Variants in SLC26A11 observed in about 807,000 individuals in gnomAD.
SLC26A11 encodes the protein sodium-independent sulfate anion transporter.
SLC26A11 carries 58 observed loss-of-function variants against 62.2 expected under a neutral mutation model. That is an observed-to-expected ratio of 0.93 (90% CI 0.76 to 1.16). The LOEUF is 1.16. Among genes scored for constraint, SLC26A11 ranks in the 50% most tolerant of loss-of-function variants. The probability of loss-of-function intolerance (pLI) is 0.00; values close to 1 mark genes in which losing one functional copy is unlikely to be tolerated. For synonymous variants in SLC26A11, 411 were observed against 368.9 expected (o/e 1.11, Z -1.31); for missense variants, 790 against 794.3 (o/e 0.99, Z 0.06).
intron 17 of SLC26A11, 62 bp downstream of exon 17, chr17:80,251,463 T>TA (rs2043153925): frequency 1.2e-6 from 2 of 1,601,988 alleles, no homozygotes; most frequent in Non-Finnish European, 1.7e-6. Flanking sequence ...ATGCTTATTG[T>TA]AAAAAATATG....
rs1598837926 is a variant in SLC26A11, at chr17:80,246,068, C to A, written c.1098-86C>A. ...CAAGCCGTGCTGGGAGCTGACGTCC[C>A]CTCGGAAGATCAGCCACAGGAGTGT... On this transcript the variant is annotated intron_variant, in intron 11 of 17. Coordinates refer to ENST00000361193, the MANE Select transcript of SLC26A11 (RefSeq NM_001166347.2). This position sits in a 1 kb window ranked among gnomAD's most constrained non-coding sequence, Gnocchi z 4.4. 6.6e-7 allele frequency: 1 copy of A among 1,516,102 alleles called. No homozygotes were observed. The highest frequency in any genetic ancestry group is 9.2e-7 in the Non-Finnish European group (1 of 1,092,152). 93.9% of individuals were successfully genotyped at this position (1,516,102 alleles called of 1,614,324 possible).
At chr17:80,235,346 C>A (rs2042665622) in intron 7 of SLC26A11, among the ~76,000 whole-genome samples, 1 of 151,430 alleles carries the variant, frequency 6.6e-6, no homozygotes, top group East Asian at 1.9e-4. Context: ...ACTTTTGGGT[C>A]TTTTTTTTAT....
At chr17:80,239,591 G>A (rs896171558) in intron 9 of SLC26A11, among the ~76,000 whole-genome samples, 2 of 151,568 alleles carry the variant, frequency 1.3e-5, no homozygotes, top group Non-Finnish European at 2.9e-5. Flanking sequence ...GGGTTTCACC[G>A]TGGTCTCGAT....
At chr17:80,226,882 G>A (rs1003665626) in intron 6 of SLC26A11, among the ~76,000 whole-genome samples, 3 of 152,198 alleles carry the variant, frequency 2.0e-5, no homozygotes, top group Admixed American at 6.5e-5. Flanking sequence ...GAGTGGGGGC[G>A]ATCCTGGACC....
chr17:80,221,407 C>T (rs2042183150), intron 2 of SLC26A11, 141 bp from the exon 3 acceptor site: 2 of 609,466 alleles, frequency 3.3e-6, no homozygotes, highest in African/African-American at 1.9e-5. Flanking sequence ...ACATTGTTGG[C>T]TTCCTCTTAG....
intron 10 of SLC26A11, among the ~76,000 whole-genome samples, chr17:80,244,689 A>C (rs185010319): frequency 6.5e-4 from 98 of 151,804 alleles, no homozygotes; most frequent in South Asian, 2.1e-3. Flanking sequence ...TAAAAATAGA[A>C]AAATTAACTG....
intron 2 of SLC26A11, 61 bp downstream of exon 2, chr17:80,221,176 GA>G (rs1267526274): frequency 1.2e-4 from 23 of 187,054 alleles, no homozygotes; most frequent in Non-Finnish European, 2.0e-4. Flanking sequence ...TGGGGAGACG[GA>G]AAAAAAGGCA....
intron 2 of SLC26A11, 75 bp from the exon 3 acceptor site, chr17:80,221,473 C>A: frequency 1.8e-6 from 2 of 1,136,650 alleles, no homozygotes; most frequent in Non-Finnish European, 2.4e-6. Flanking sequence ...TGACACCCGC[C>A]GACCCTGACC....
chr17:80,244,876 T>C (rs1422659874), intron 10 of SLC26A11, among the ~76,000 whole-genome samples: 2 of 147,090 alleles, frequency 1.4e-5, no homozygotes, highest in South Asian at 2.1e-4. Flanking sequence ...CTCAGGAGGC[T>C]GAGGCAGGAG....
intron 7 of SLC26A11, among the ~76,000 whole-genome samples, chr17:80,233,258 T>G (rs534432507): frequency 6.6e-6 from 1 of 152,072 alleles, no homozygotes; most frequent in Non-Finnish European, 1.5e-5. Flanking sequence ...CTCAGCCTCC[T>G]GAGTAGCTTG....
At chr17:80,224,279 G>A (rs995770755) in intron 5 of SLC26A11, among the ~76,000 whole-genome samples, 4 of 127,642 alleles carry the variant, frequency 3.1e-5, no homozygotes, top group African/African-American at 1.2e-4. Flanking sequence ...GTGAGTGAGT[G>A]CGTGTGTGAG....
chr17:80,236,601 T>C (rs2042699323), intron 7 of SLC26A11, among the ~76,000 whole-genome samples: 2 of 152,160 alleles, frequency 1.3e-5, no homozygotes, highest in Admixed American at 1.3e-4. Context: ...TCTGGTTTCT[T>C]CCTCCTTTGT....
chr17:80,235,737 T>C (rs921539281), intron 7 of SLC26A11, among the ~76,000 whole-genome samples: 1 of 152,260 alleles, frequency 6.6e-6, no homozygotes, highest in African/African-American at 2.4e-5. Flanking sequence ...TATTGCGTGC[T>C]GGATATTTTT....
rs2043187354 is a variant in SLC26A11 at position 80,252,840 on chromosome 17, C to T, written c.*124C>T. ...GGCTGAGAAACCCCTGAGCAGGTAA[C>T]CCAGGGAAGAGAAGGAAGCCAGGCC... On this transcript the variant is annotated 3_prime_UTR_variant, in exon 18 of 18. Coordinates refer to ENST00000361193, the MANE Select transcript of SLC26A11 (RefSeq NM_001166347.2). This position sits in a 1 kb window ranked among gnomAD's most constrained non-coding sequence, Gnocchi z 5.2. The T allele has an allele frequency of 2.3e-5, 19 of 840,250 alleles. No individual in the cohort carries two copies. The South Asian group carries it at 3.1e-4, about 14-fold the overall frequency. The allele number at this position is 840,250 out of a possible 1,614,324, so 52.0% of individuals were successfully genotyped here. A position where few individuals can be genotyped will look rare whatever the true frequency, so the allele number is the denominator to read the frequency against.
At chr17:80,250,162 C>A (rs150646703) in intron 16 of SLC26A11, among the ~76,000 whole-genome samples, 1 of 152,104 alleles carries the variant, frequency 6.6e-6, no homozygotes, top group African/African-American at 2.4e-5. Context: ...GTTAAATGTG[C>A]GCTCTCTGCC....
intron 7 of SLC26A11, among the ~76,000 whole-genome samples, chr17:80,234,852 CT>C (rs558869151): frequency 0.034 from 4,630 of 135,804 alleles, 173 homozygotes; most frequent in African/African-American, 0.1. Flanking sequence ...CTTTTTTTTT[CT>C]TTTTTTTTTT....
In SLC26A11 at chr17:80,223,642, G is replaced by A. The variant is rs1039349793; in HGVS notation, c.513+305G>A. Among the ~76,000 whole-genome samples the A allele has an allele frequency of 2.0e-5, 3 of 152,152 alleles. No individual in the cohort carries two copies. Among genetic ancestry groups the A allele is most frequent in the East Asian group, 1.9e-4 (1 of 5,200 alleles). ...CAGTGTGCTTGGCTGGCTCTGTGAC[G>A]TGGCTCTGTTCTCCCTGCACTGGGC... is the stretch of plus-strand genomic sequence containing the variant. On this transcript the variant is annotated intron_variant, in intron 5 of 17. Coordinates refer to ENST00000361193, the MANE Select transcript of SLC26A11 (RefSeq NM_001166347.2). The surrounding 1 kb of genome is among the most constrained non-coding windows in gnomAD (Gnocchi z 4.6).
rs767940878 is a variant in SLC26A11, at chr17:80,248,607, G to A, written c.1455G>A (p.Pro485=). 1.2e-5 allele frequency: 19 copies of A among 1,589,570 alleles called. No individual in the cohort carries two copies. The highest frequency in any genetic ancestry group is 3.4e-4 in the Middle Eastern group (2 of 5,944). Residue 485 remains proline (P), a synonymous_variant, in exon 15 of 18, where the codon CCG becomes CCA. Coordinates refer to ENST00000361193, the MANE Select transcript of SLC26A11 (RefSeq NM_001166347.2). The part of the protein sequence containing the change: ...VSEGPVLVLQ[P]ASGLSFPAME... Reference sequence around the variant, plus strand: ...AGGGGCCGGTTCTGGTCCTGCAGCCGGCCAGCGGCCTGTCCTTCCCTGCCA... The same window carrying A: ...AGGGGCCGGTTCTGGTCCTGCAGCCAGCCAGCGGCCTGTCCTTCCCTGCCA...
At chr17:80,249,421 G>A (rs1367669738) in intron 16 of SLC26A11, 134 bp downstream of exon 16, 1 of 1,242,360 alleles carries the variant, frequency 8.0e-7, no homozygotes, top group Non-Finnish European at 1.1e-6. Context: ...CTCTGCTTCT[G>A]ATTTAAACAG....
Sources: gnomAD v4.1 joint callset for allele counts (sites outside exome capture counted in the v4.1 genomes callset) on GRCh38, gnomAD v4.1.1 for gene constraint, Gnocchi (gnomAD v3.1) non-coding constraint, MANE v1.5 for transcripts, NCBI Gene and HGNC (gene_info 2026-07-23, HGNC 2026-07-21) for gene names.